AUTS2: variants seen among roughly 807,000 people sequenced by gnomAD.
The protein encoded by AUTS2 is autism susceptibility gene 2 protein.
Under a neutral mutation model 112.4 loss-of-function variants are expected in AUTS2, and 17 were observed. That is an observed-to-expected ratio of 0.15 (90% CI 0.10 to 0.23). The LOEUF (loss-of-function observed/expected upper bound fraction) is 0.23, where lower values mean the gene tolerates loss of function less well. Among genes scored for constraint, AUTS2 ranks in the 10% least tolerant of loss-of-function variants. The pLI is 1.00. For missense variants in AUTS2, 1,510 were observed against 1,701.6 expected (o/e 0.89, Z 1.98); for synonymous variants, 751 against 702.7 (o/e 1.07, Z -1.09).
At chr7:69,897,509 C>A (rs1177008928) in intron 1 of AUTS2, among the ~76,000 whole-genome samples, 1 of 151,484 alleles carries the variant, frequency 6.6e-6, no homozygotes, top group East Asian at 1.9e-4. Context: ...GAGGGTTCCA[C>A]CCTCATGATC....
chr7:70,043,615 T>A (rs1173878885), intron 2 of AUTS2, among the ~76,000 whole-genome samples: 24 of 146,162 alleles, frequency 1.6e-4, no homozygotes, highest in Non-Finnish European at 2.9e-4. Flanking sequence ...CTTTTTTTTT[T>A]TTTTTTATTT....
Position 70,338,833 on chromosome 7 carries a change from C to CTTATTTATTTATTTAT in AUTS2, c.661-96888_661-96873dup, listed in dbSNP as rs60351906. The stretch of plus-strand genomic sequence containing the variant: ...ACCTAACCCATCTCCAGCCTCATCT[C>CTTATTTATTTATTTAT]TTATTTATTTATTTATTTATTTATT... On this transcript the variant is annotated intron_variant, in intron 4 of 18. Transcript: ENST00000342771. 4.3e-4 allele frequency among the ~76,000 whole-genome samples: 60 copies of CTTATTTATTTATTTAT among 141,078 alleles called. 1 individual carries two copies. The highest frequency in any genetic ancestry group is 1.2e-3 in the South Asian group (5 of 4,256). The allele number at this position is 141,078 out of a possible 152,430, so 92.6% of individuals were successfully genotyped here. A position where few individuals can be genotyped will look rare whatever the true frequency, so the allele number is the denominator to read the frequency against.
chr7:70,779,223 G>A (rs1388779068), intron 14 of AUTS2, among the ~76,000 whole-genome samples: 17 of 152,180 alleles, frequency 1.1e-4, no homozygotes, highest in Admixed American at 2.6e-4. Flanking sequence ...GCTATTACTC[G>A]ATACTGGGAC....
chr7:70,312,257 G>A lies in AUTS2; in HGVS notation c.661-123495G>A, dbSNP rs551507531. ...ATGGTAATCTTACCATGGGGTATCT[G>A]ATTACTTTAGAAAGATCCATTTAGC... On this transcript the variant is annotated intron_variant, in intron 4 of 18. Transcript: ENST00000342771. Among the ~76,000 whole-genome samples the A allele has an allele frequency of 2.0e-5, 3 of 152,222 alleles. No individual in the cohort carries two copies. The South Asian group carries it at 6.2e-4, about 32-fold the overall frequency.
chr7:70,407,826 G>A (rs902674485), intron 4 of AUTS2, among the ~76,000 whole-genome samples: 7 of 152,016 alleles, frequency 4.6e-5, no homozygotes, highest in South Asian at 2.1e-4. Flanking sequence ...AGGCCAAGGC[G>A]GGCGGATCAT....
chr7:70,504,911 A>T (rs939053719), intron 5 of AUTS2, among the ~76,000 whole-genome samples: 1 of 152,200 alleles, frequency 6.6e-6, no homozygotes, highest in Non-Finnish European at 1.5e-5. Flanking sequence ...ATAACATTCT[A>T]CCTTCACAAA....
intron 4 of AUTS2, among the ~76,000 whole-genome samples, chr7:70,226,360 ATTTTTTT>A (rs34184657): frequency 5.9e-5 from 8 of 136,412 alleles, no homozygotes; most frequent in African/African-American, 1.6e-4. Flanking sequence ...TGCCCGGCTA[ATTTTTTT>A]TTTTTTTTTT....
chr7:69,839,303 CTT>C (rs899509017), intron 1 of AUTS2, among the ~76,000 whole-genome samples: 5 of 152,028 alleles, frequency 3.3e-5, no homozygotes, highest in African/African-American at 1.2e-4. Context: ...GATTTTGGCT[CTT>C]TTCTCACTCA....
intron 5 of AUTS2, among the ~76,000 whole-genome samples, chr7:70,457,305 T>G (rs1796780684): frequency 6.6e-6 from 1 of 152,174 alleles, no homozygotes; most frequent in South Asian, 2.1e-4. Context: ...TGTGATGAAG[T>G]CCTGCATGCC....
In AUTS2 at chr7:70,441,096, C is replaced by T. The variant is rs111820178; in HGVS notation, c.690+5315C>T. Among the ~76,000 whole-genome samples, 670 of 152,330 alleles carry T rather than the reference C, an allele frequency of 4.4e-3. 3 individuals are homozygous for T. The highest frequency in any genetic ancestry group is 7.3e-3 in the Non-Finnish European group (498 of 68,028). On this transcript the variant is annotated intron_variant, in intron 5 of 18. Coordinates refer to ENST00000342771, the MANE Select transcript of AUTS2 (RefSeq NM_015570.4). ...AGACATGTGCCACCCATGCTTATGT[C>T]TGTAGATACCGGGCATAAGTATACA...
chr7:70,745,315 A>G (rs1788385254), intron 6 of AUTS2, among the ~76,000 whole-genome samples: 1 of 152,018 alleles, frequency 6.6e-6, no homozygotes, highest in Admixed American at 6.6e-5. Flanking sequence ...TTTAGTTTTT[A>G]GCAGTTCTCG....
intron 1 of AUTS2, among the ~76,000 whole-genome samples, chr7:69,691,090 C>G (rs1455234643): frequency 2.0e-5 from 3 of 152,158 alleles, no homozygotes; most frequent in African/African-American, 7.2e-5. Context: ...GCTGGTAGTC[C>G]TGACATCTGC....
At chr7:70,474,002 A>G (rs1797489377) in intron 5 of AUTS2, among the ~76,000 whole-genome samples, 1 of 152,138 alleles carries the variant, frequency 6.6e-6, no homozygotes, top group Admixed American at 6.5e-5. Context: ...AAAATCTGCT[A>G]AACTTTGCAG....
chr7:70,704,315 T>A (rs1461684158), intron 6 of AUTS2, among the ~76,000 whole-genome samples: 1 of 152,198 alleles, frequency 6.6e-6, no homozygotes, highest in African/African-American at 2.4e-5. Flanking sequence ...GTAGAACTTT[T>A]GACAGCTGCC....
chr7:69,747,840 C>T (rs550196085), intron 1 of AUTS2, among the ~76,000 whole-genome samples: 1 of 145,396 alleles, frequency 6.9e-6, no homozygotes, highest in East Asian at 2.0e-4. Flanking sequence ...AGAAAGTGTG[C>T]CAGAAATTAT....
intron 4 of AUTS2, among the ~76,000 whole-genome samples, chr7:70,339,515 TATTAATAAGGATTATGA>T (rs1286472447): frequency 6.6e-6 from 1 of 152,238 alleles, no homozygotes; most frequent in Non-Finnish European, 1.5e-5. Flanking sequence ...TCATCTATTG[TATTAATAAGGATTATGA>T]ATTAATGAAA....
At chr7:70,655,858 C>T (rs566804808) in intron 5 of AUTS2, among the ~76,000 whole-genome samples, 241 of 152,222 alleles carry the variant, frequency 1.6e-3, no homozygotes, top group Non-Finnish European at 2.5e-3. Context: ...TTGCTTTGAC[C>T]GAGGAATCCC....
intron 2 of AUTS2, among the ~76,000 whole-genome samples, chr7:70,079,593 T>A (rs1803201800): frequency 6.6e-6 from 1 of 152,146 alleles, no homozygotes; most frequent in Non-Finnish European, 1.5e-5. Flanking sequence ...ACTTCCTTAT[T>A]AGCTGCTACA....
chr7:70,710,330 A>G (rs1213626422), intron 6 of AUTS2, among the ~76,000 whole-genome samples: 1 of 152,122 alleles, frequency 6.6e-6, no homozygotes, highest in Non-Finnish European at 1.5e-5. Context: ...GACTCATTTT[A>G]CCACCACGAA....
Sources: allele counts gnomAD v4.1 joint callset (sites outside exome capture counted in the v4.1 genomes callset), GRCh38; gene constraint gnomAD v4.1.1; transcripts MANE v1.5; gene names NCBI Gene and HGNC (gene_info 2026-07-23, HGNC 2026-07-21).